CPLX2: variants seen among roughly 807,000 people sequenced by gnomAD.
CPLX2 encodes complexin-2.
Under a neutral mutation model 16.3 loss-of-function variants are expected in CPLX2, and 5 were observed. That is an observed-to-expected ratio of 0.31 (90% confidence interval 0.16 to 0.64). The LOEUF is 0.64. Ranked by LOEUF, CPLX2 falls within the 30% of genes least tolerant of loss-of-function variation. The pLI is 0.79. For synonymous variants in CPLX2, 89 were observed against 73.2 expected (o/e 1.22, Z -1.10); for missense variants, 144 against 181.4 (o/e 0.79, Z 1.18).
intron 2 of CPLX2, among the ~76,000 whole-genome samples, chr5:175,854,593 G>T (rs1424877852): frequency 6.6e-6 from 1 of 152,162 alleles, no homozygotes; most frequent in Non-Finnish European, 1.5e-5. Context: ...CGTACTATTT[G>T]TATTATTATT....
At chr5:175,878,545 C>A (rs1330246891) in intron 1 of CPLX2, 107 bp from the exon 2 acceptor site, 2 of 631,382 alleles carry the variant, frequency 3.2e-6, no homozygotes, top group Non-Finnish European at 2.8e-6. Context: ...GACCTCAGAG[C>A]GATGGGTGCC....
upstream of CPLX2, among the ~76,000 whole-genome samples, chr5:175,867,959 G>A (rs1759509684): frequency 6.6e-6 from 1 of 152,226 alleles, no homozygotes; most frequent in Non-Finnish European, 1.5e-5. Flanking sequence ...AGGTGGCCTA[G>A]AGCCCTTCTC....
chr5:175,878,698 A>G lies in CPLX2; in HGVS notation c.-42A>G. The G allele has an allele frequency of 6.2e-7, 1 of 1,609,086 alleles. No homozygotes were observed. The highest frequency in any genetic ancestry group is 8.5e-7 in the Non-Finnish European group (1 of 1,178,182). ...AGGCCAGCCAGGAGCGCTGCATGCA[A>G]ATTCTGCCGTGGGCTAAGGCACGCT... On this transcript the variant is annotated 5_prime_UTR_variant, in exon 2 of 4. Transcript: ENST00000393745.
At chr5:175,869,094 G>T (rs1289679765), upstream of CPLX2, among the ~76,000 whole-genome samples, 5 of 152,182 alleles carry the variant, frequency 3.3e-5, no homozygotes, top group African/African-American at 1.2e-4. Flanking sequence ...AATAATAGTA[G>T]GGCCTTCGGG....
Position 175,884,010 on chromosome 5 carries a change from C to G in CPLX2, c.*3965C>G, listed in dbSNP as rs552676223. The G allele has an allele frequency of 1.3e-5, 2 of 152,656 alleles. No individual in the cohort carries two copies. Among genetic ancestry groups the G allele is most frequent in the African/African-American group, 4.8e-5 (2 of 41,534 alleles). The allele number at this position is 152,656 out of a possible 1,614,324, so 9.5% of individuals were successfully genotyped here. A position where few individuals can be genotyped will look rare whatever the true frequency, so the allele number is the denominator to read the frequency against. The stretch of plus-strand genomic sequence containing the variant: ...TCAACCATGACAACAAAGAAAAAGA[C>G]CTTGTACAGCAGCTCTCTGTCTGTG... On this transcript the variant is annotated 3_prime_UTR_variant, in exon 4 of 4. Coordinates refer to ENST00000393745, the MANE Select transcript of CPLX2 (RefSeq NM_001008220.2).
intron 1 of CPLX2, among the ~76,000 whole-genome samples, chr5:175,797,369 C>T (rs1758006463): frequency 7.4e-6 from 1 of 135,264 alleles, no homozygotes; most frequent in Non-Finnish European, 1.6e-5. Flanking sequence ...CGTGCAATGG[C>T]GGGGCCCAGC....
chr5:175,806,663 TA>T (rs1487065407), intron 1 of CPLX2, among the ~76,000 whole-genome samples: 2 of 58,894 alleles, frequency 3.4e-5, no homozygotes, highest in African/African-American at 1.5e-4. Context: ...GTTAATTTTG[TA>T]TTTTTTTTTT....
At chr5:175,853,593 G>T (rs908552915) in intron 2 of CPLX2, among the ~76,000 whole-genome samples, 1 of 152,164 alleles carries the variant, frequency 6.6e-6, no homozygotes, top group Non-Finnish European at 1.5e-5. Context: ...GGGGACAAGG[G>T]GCAGAGTCTC....
At chr5:175,869,389 A>C (rs991790522), upstream of CPLX2, among the ~76,000 whole-genome samples, 28 of 152,168 alleles carry the variant, frequency 1.8e-4, no homozygotes, top group African/African-American at 6.8e-4. Flanking sequence ...AGAGATAGAG[A>C]ACCCATAACC....
intron 2 of CPLX2, among the ~76,000 whole-genome samples, chr5:175,850,437 C>T (rs987914957): frequency 6.6e-6 from 1 of 152,212 alleles, no homozygotes; most frequent in African/African-American, 2.4e-5. Context: ...CCAGAGCAGA[C>T]TAGAGCCGCA....
At chr5:175,850,089 C>T (rs1368224458) in intron 2 of CPLX2, among the ~76,000 whole-genome samples, 2 of 152,066 alleles carry the variant, frequency 1.3e-5, no homozygotes, top group Non-Finnish European at 2.9e-5. Flanking sequence ...TGGCGCAGGC[C>T]GAGTGAGGAA....
At chr5:175,836,550 G>A (rs570177667) in intron 2 of CPLX2, among the ~76,000 whole-genome samples, 224 of 152,184 alleles carry the variant, frequency 1.5e-3, no homozygotes, top group African/African-American at 5.0e-3. Flanking sequence ...GTTCTCCAGC[G>A]GGGTGGCGAG....
chr5:175,829,552 C>A (rs749137510), intron 2 of CPLX2, among the ~76,000 whole-genome samples: 1 of 152,216 alleles, frequency 6.6e-6, no homozygotes, highest in Non-Finnish European at 1.5e-5. Context: ...GGAGAAGCCA[C>A]TTGCCCTCTC....
At chr5:175,847,150 G>A (rs915664887) in intron 2 of CPLX2, among the ~76,000 whole-genome samples, 1 of 152,226 alleles carries the variant, frequency 6.6e-6, no homozygotes, top group South Asian at 2.1e-4. Flanking sequence ...CCCAGGCGAC[G>A]TGAGGCCACC....
intron 2 of CPLX2, among the ~76,000 whole-genome samples, chr5:175,864,721 G>A (rs925321749): frequency 6.6e-6 from 1 of 152,116 alleles, no homozygotes; most frequent in Admixed American, 6.5e-5. Flanking sequence ...TGTTAGATAA[G>A]AGAATGAGTG....
rs1346056721 is a variant in CPLX2, at chr5:175,845,768, C to T, written c.-88-32884C>T. 6.6e-6 allele frequency among the ~76,000 whole-genome samples: 1 copy of T among 152,082 alleles called. No individual in the cohort carries two copies. Among genetic ancestry groups the T allele is most frequent in the Non-Finnish European group, 1.5e-5 (1 of 68,018 alleles). ...TGGATGAGTGATGTGCCCAAGGTCA[C>T]GTGGCTGTCAGATAACAGAGGCAGA... is the stretch of plus-strand genomic sequence containing the variant. On this transcript the variant is annotated intron_variant, in intron 2 of 4. Coordinates refer to the CPLX2 transcript ENST00000359546. The surrounding 1 kb of genome is among the most constrained non-coding windows in gnomAD (Gnocchi z 4.0).
intron 2 of CPLX2, among the ~76,000 whole-genome samples, chr5:175,858,307 C>T (rs1247578482): frequency 1.3e-5 from 2 of 152,222 alleles, no homozygotes; most frequent in Non-Finnish European, 2.9e-5. Context: ...ACCCACTTAC[C>T]CCTCTTCTGA....
chr5:175,810,581 T>C (rs1370377950), intron 2 of CPLX2, among the ~76,000 whole-genome samples: 1 of 152,184 alleles, frequency 6.6e-6, no homozygotes, highest in Non-Finnish European at 1.5e-5. Flanking sequence ...TACTGAGTGT[T>C]ATATAAGACC....
intron 2 of CPLX2, among the ~76,000 whole-genome samples, chr5:175,860,767 G>A (rs985444824): frequency 2.0e-5 from 3 of 152,132 alleles, no homozygotes; most frequent in African/African-American, 7.2e-5. Flanking sequence ...TAATTAGCTG[G>A]CTATGGATCT....
Sources: allele counts gnomAD v4.1 joint callset (sites outside exome capture counted in the v4.1 genomes callset), GRCh38; gene constraint gnomAD v4.1.1; non-coding constraint Gnocchi (gnomAD v3.1); transcripts MANE v1.5; gene names NCBI Gene and HGNC (gene_info 2026-07-23, HGNC 2026-07-21).